The following SLC24A2 variants were observed in gnomAD, a reference collection of about 807,000 sequenced individuals.
SLC24A2 encodes the protein solute carrier family 24 member 2.
SLC24A2 carries 36 observed loss-of-function variants against 62.0 expected under a neutral mutation model. The observed-to-expected ratio is 0.58, with a 90% CI of 0.44 to 0.77. The LOEUF is 0.77. SLC24A2 is among the 30% of genes least tolerant of loss of function. The pLI is 0.00. For missense variants in SLC24A2, 846 were observed against 817.9 expected, an observed-to-expected ratio of 1.03 and a Z score of -0.42; for synonymous variants, 358 against 294.0, an observed-to-expected ratio of 1.22 and a Z score of -2.23.
At chr9:20,164,322 G>A in the SLC24A2 span, among the ~76,000 whole-genome samples, 6 of 151,996 alleles carry the variant, frequency 3.9e-5, no homozygotes, top group African/African-American at 9.7e-5. Flanking sequence ...AGTGGGCAAA[G>A]GACATGAACA....
the SLC24A2 span, among the ~76,000 whole-genome samples, chr9:19,812,241 A>T: frequency 6.6e-6 from 1 of 152,214 alleles, no homozygotes; most frequent in East Asian, 1.9e-4. Flanking sequence ...AAATTCTTCA[A>T]TCCTTTAAAA....
At chr9:20,237,946 A>C in the SLC24A2 span, among the ~76,000 whole-genome samples, 1 of 152,264 alleles carries the variant, frequency 6.6e-6, no homozygotes, top group African/African-American at 2.4e-5. Flanking sequence ...GTTTTCATTT[A>C]CTGAAATGTC....
At chr9:19,790,955 G>C (rs1823313300), upstream of SLC24A2, among the ~76,000 whole-genome samples, 2 of 152,194 alleles carry the variant, frequency 1.3e-5, no homozygotes. Flanking sequence ...TTGATTCGGT[G>C]AGAAGAGGAA....
chr9:20,095,988 G>A, the SLC24A2 span, among the ~76,000 whole-genome samples: 1 of 152,072 alleles, frequency 6.6e-6, no homozygotes, highest in Non-Finnish European at 1.5e-5. Context: ...TTCCCACTGG[G>A]TCCCTTCCAC....
chr9:20,163,436 A>G, the SLC24A2 span, among the ~76,000 whole-genome samples: 1 of 152,096 alleles, frequency 6.6e-6, no homozygotes, highest in Non-Finnish European at 1.5e-5. Flanking sequence ...GACGTGAAGG[A>G]CCTCTTCAAG....
the SLC24A2 span, among the ~76,000 whole-genome samples, chr9:20,208,353 G>A: frequency 9.2e-5 from 14 of 152,318 alleles, no homozygotes; most frequent in South Asian, 2.5e-3. Context: ...ATAGCACGGC[G>A]AAGGCTGAAG....
At chr9:20,204,741 A>ATT in the SLC24A2 span, among the ~76,000 whole-genome samples, 1 of 146,808 alleles carries the variant, frequency 6.8e-6, no homozygotes, top group Non-Finnish European at 1.5e-5. Flanking sequence ...AAAAAGTATA[A>ATT]CTTTTTTTTT....
the SLC24A2 span, among the ~76,000 whole-genome samples, chr9:19,968,248 C>G: frequency 6.6e-6 from 1 of 152,196 alleles, no homozygotes; most frequent in African/African-American, 2.4e-5. Flanking sequence ...AGGGAGCCCA[C>G]AGGGACCCAC....
chr9:19,990,473 T>C, the SLC24A2 span, among the ~76,000 whole-genome samples: 1 of 151,914 alleles, frequency 6.6e-6, no homozygotes, highest in Non-Finnish European at 1.5e-5. Flanking sequence ...TAGCCGGGCA[T>C]GGTGGCGGGC....
the SLC24A2 span, among the ~76,000 whole-genome samples, chr9:20,228,467 A>G: frequency 2.0e-5 from 3 of 151,894 alleles, no homozygotes; most frequent in Non-Finnish European, 4.4e-5. Flanking sequence ...GGCACCCCAA[A>G]TTGTCTTTTA....
At chr9:19,679,208 A>G (rs1189880955) in intron 2 of SLC24A2, among the ~76,000 whole-genome samples, 2 of 152,116 alleles carry the variant, frequency 1.3e-5, no homozygotes, top group Non-Finnish European at 2.9e-5. Flanking sequence ...TACATACCAA[A>G]GGGCAATAGT....
intron 5 of SLC24A2, among the ~76,000 whole-genome samples, chr9:19,591,154 G>A (rs972826738): frequency 4.6e-5 from 7 of 151,972 alleles, no homozygotes; most frequent in African/African-American, 1.2e-4. Flanking sequence ...TAAATAACAC[G>A]CATATTTTAT....
At chr9:20,092,810 C>G in the SLC24A2 span, among the ~76,000 whole-genome samples, 1 of 152,118 alleles carries the variant, frequency 6.6e-6, no homozygotes, top group Non-Finnish European at 1.5e-5. Context: ...TAATCACGGT[C>G]AGAATGCTAT....
At chr9:20,223,041 A>G in the SLC24A2 span, among the ~76,000 whole-genome samples, 1 of 152,076 alleles carries the variant, frequency 6.6e-6, no homozygotes, top group Non-Finnish European at 1.5e-5. Flanking sequence ...AGTTAAAATC[A>G]AAAAGAAAGT....
At chr9:20,249,431 C>T in the SLC24A2 span, among the ~76,000 whole-genome samples, 13 of 152,192 alleles carry the variant, frequency 8.5e-5, no homozygotes, top group Admixed American at 3.3e-4. Context: ...CTGGGCCCAG[C>T]GCAGTGGGTC....
the SLC24A2 span, among the ~76,000 whole-genome samples, chr9:20,152,824 G>C: frequency 6.6e-6 from 1 of 151,786 alleles, no homozygotes; most frequent in African/African-American, 2.4e-5. Flanking sequence ...GTGTAAAATG[G>C]GGCCTTGCTT....
At chr9:19,534,889 G>A (rs1480342684) in intron 8 of SLC24A2, among the ~76,000 whole-genome samples, 4 of 151,726 alleles carry the variant, frequency 2.6e-5, no homozygotes, top group African/African-American at 9.7e-5. Context: ...TGAGATTGCT[G>A]GGTCAAATGG....
intron 2 of SLC24A2, among the ~76,000 whole-genome samples, chr9:19,777,899 A>G (rs1158909152): frequency 6.6e-6 from 1 of 152,172 alleles, no homozygotes; most frequent in Non-Finnish European, 1.5e-5. Flanking sequence ...TTGGTATCTG[A>G]TAAATATATT....
At chr9:19,887,674 C>T in the SLC24A2 span, among the ~76,000 whole-genome samples, 4 of 152,112 alleles carry the variant, frequency 2.6e-5, no homozygotes, top group Non-Finnish European at 5.9e-5. Flanking sequence ...GTGGAACTAC[C>T]ATGTGAGCCA....
Sources: gnomAD v4.1 joint callset for allele counts (sites outside exome capture counted in the v4.1 genomes callset) on GRCh38, gnomAD v4.1.1 for gene constraint, MANE v1.5 for transcripts, NCBI Gene and HGNC (gene_info 2026-07-23, HGNC 2026-07-21) for gene names.